HECW1: variants seen among roughly 807,000 people sequenced by gnomAD.
The protein encoded by HECW1 is HECT, C2 and WW domain containing E3 ubiquitin protein ligase 1.
HECW1 carries 61 observed loss-of-function variants against 182.3 expected under a neutral mutation model. That is an observed-to-expected ratio of 0.33 (90% CI 0.27 to 0.41). The LOEUF (loss-of-function observed/expected upper bound fraction) is 0.41. HECW1 is among the 10% of genes least tolerant of loss of function. The probability of loss-of-function intolerance (pLI) is 1.00; values close to 1 mark genes in which losing one functional copy is unlikely to be tolerated. For synonymous variants in HECW1, 859 were observed against 832.6 expected (o/e 1.03, Z -0.55); for missense variants, 1,739 against 2,108.9 (o/e 0.82, Z 3.44).
At chr7:43,143,649 G>A (rs567278568) in intron 2 of HECW1, among the ~76,000 whole-genome samples, 136 of 152,276 alleles carry the variant, frequency 8.9e-4, no homozygotes, top group African/African-American at 3.1e-3. Context: ...AATTGTAGGA[G>A]TCTAGCCCTG....
At chr7:43,162,273 G>A (rs1790626463) in intron 2 of HECW1, among the ~76,000 whole-genome samples, 1 of 152,232 alleles carries the variant, frequency 6.6e-6, no homozygotes, top group South Asian at 2.1e-4. Context: ...CAATAGAAAT[G>A]TATTCTCTCA....
chr7:43,312,163 T>C (rs1808610471), intron 4 of HECW1, 76 bp downstream of exon 4: 1 of 1,278,480 alleles, frequency 7.8e-7, no homozygotes. Context: ...AACTCTACAA[T>C]ATAATTAAAA....
chr7:43,329,489 G>T (rs959979383), intron 5 of HECW1, among the ~76,000 whole-genome samples: 1 of 151,946 alleles, frequency 6.6e-6, no homozygotes, highest in Non-Finnish European at 1.5e-5. Context: ...AAAAATGGAA[G>T]GGGCTGATTC....
chr7:43,356,603 A>G (rs1396497462), intron 5 of HECW1, among the ~76,000 whole-genome samples: 3 of 152,234 alleles, frequency 2.0e-5, no homozygotes, highest in Non-Finnish European at 4.4e-5. Flanking sequence ...TTTTTCTATC[A>G]ACACATGGAA....
chr7:43,538,721 T>C lies in HECW1; in HGVS notation c.4020-2442T>C, dbSNP rs529152174. On this transcript the variant is annotated intron_variant, in intron 24 of 29. Transcript: ENST00000395891. Reference sequence around the variant, plus strand: ...AATGGAGATGACCAAAACCATAAAATAGAATTGTTGCAAGGGTCAATGAGA... The same window carrying C: ...AATGGAGATGACCAAAACCATAAAACAGAATTGTTGCAAGGGTCAATGAGA... Among the ~76,000 whole-genome samples the C allele has an allele frequency of 1.3e-3, 199 of 152,292 alleles. 1 individual carries two copies. The highest frequency in any genetic ancestry group is 4.4e-3 in the African/African-American group (183 of 41,552).
chr7:43,357,346 G>A (rs1165366127), intron 5 of HECW1, among the ~76,000 whole-genome samples: 4 of 152,076 alleles, frequency 2.6e-5, no homozygotes, highest in Non-Finnish European at 5.9e-5. Context: ...ATAGATGAGT[G>A]GATAAAGAAA....
rs144290707 is a variant in HECW1 at position 43,434,277 on chromosome 7, G to A, written c.802-3726G>A. On this transcript the variant is annotated intron_variant, in intron 8 of 29. Coordinates refer to ENST00000395891, the MANE Select transcript of HECW1 (RefSeq NM_015052.5). ...AACTTAAGAAAGTTCAATAACCAGA[G>A]AGTCAAAAGGAGAAGGTGATAGTAA... 2.6e-4 allele frequency among the ~76,000 whole-genome samples: 39 copies of A among 152,364 alleles called. No homozygotes were observed. The East Asian group carries it at 7.1e-3, about 28-fold the overall frequency.
intron 6 of HECW1, among the ~76,000 whole-genome samples, chr7:43,392,584 C>A (rs772612941): frequency 2.6e-5 from 4 of 152,172 alleles, no homozygotes; most frequent in Non-Finnish European, 4.4e-5. Flanking sequence ...CACCCTTGCC[C>A]TTGGGCATAG....
chr7:43,185,499 T>C (rs1342359174), intron 2 of HECW1, among the ~76,000 whole-genome samples: 2 of 152,228 alleles, frequency 1.3e-5, no homozygotes, highest in African/African-American at 4.8e-5. Context: ...CTGTGAGATC[T>C]GATGCTATCT....
intron 12 of HECW1, 119 bp from the exon 13 acceptor site, chr7:43,456,178 G>T: frequency 9.9e-7 from 1 of 1,007,668 alleles, no homozygotes; most frequent in Non-Finnish European, 1.4e-6. Context: ...GCAGGGTCTG[G>T]CCTGCAGCCA....
intron 21 of HECW1, among the ~76,000 whole-genome samples, chr7:43,502,016 C>G (rs2079382684): frequency 6.6e-6 from 1 of 152,202 alleles, no homozygotes; most frequent in Non-Finnish European, 1.5e-5. Context: ...ACCACATGGT[C>G]TGCAAAGCCT....
At chr7:43,207,363 A>G (rs1418989789) in intron 2 of HECW1, among the ~76,000 whole-genome samples, 1 of 152,212 alleles carries the variant, frequency 6.6e-6, no homozygotes, top group East Asian at 1.9e-4. Context: ...CTATTTTTAA[A>G]TTGACAAATA....
chr7:43,531,825 T>C, intron 24 of HECW1, among the ~76,000 whole-genome samples: 1 of 152,200 alleles, frequency 6.6e-6, no homozygotes, highest in East Asian at 1.9e-4. Context: ...ACTTTATTGT[T>C]GCCTCTCATC....
At position 43,341,735 on chromosome 7, in the gene HECW1, A is replaced by C. The variant is rs939557035; in HGVS notation, c.461-19151A>C. ...GTTTTAGTTAATATAACCAGTCCGT[A>C]ATACAGCATTCTAAATCATGATGAC... On this transcript the variant is annotated intron_variant, in intron 5 of 29. Transcript: ENST00000395891. 1.3e-4 allele frequency among the ~76,000 whole-genome samples: 20 copies of C among 151,842 alleles called. 1 individual carries two copies.
At chr7:43,365,579 A>G (rs1471891061) in intron 6 of HECW1, among the ~76,000 whole-genome samples, 1 of 152,242 alleles carries the variant, frequency 6.6e-6, no homozygotes, top group Non-Finnish European at 1.5e-5. Flanking sequence ...TGGAAAACCC[A>G]TCAGGATTAT....
chr7:43,565,280 T>A lies in HECW1; in HGVS notation c.*3354T>A, dbSNP rs750147584. 137 of 206,726 alleles carry A rather than the reference T, an allele frequency of 6.6e-4. No homozygotes were observed. Among genetic ancestry groups the A allele is most frequent in the Non-Finnish European group, 1.1e-3 (108 of 101,188 alleles). 12.8% of individuals were successfully genotyped at this position (206,726 alleles called of 1,614,324 possible). A position where few individuals can be genotyped will look rare whatever the true frequency, so the allele number is the denominator to read the frequency against. On this transcript the variant is annotated 3_prime_UTR_variant, in exon 30 of 30. Transcript: ENST00000395891. Reference sequence around the variant, plus strand: ...GAAAAAATTAAGAAAAAGAGACATATGATTTGGGGGAGCAGGCGTTAAACA... The same window carrying A: ...GAAAAAATTAAGAAAAAGAGACATAAGATTTGGGGGAGCAGGCGTTAAACA...
At chr7:43,134,447 G>T (rs17722661) in intron 2 of HECW1, among the ~76,000 whole-genome samples, 5 of 147,828 alleles carry the variant, frequency 3.4e-5, no homozygotes, top group East Asian at 2.0e-4. Flanking sequence ...TGAATGGAAT[G>T]AACTTCCCAC....
intron 2 of HECW1, among the ~76,000 whole-genome samples, chr7:43,231,000 C>A (rs1562706645): frequency 1.3e-5 from 2 of 152,204 alleles, no homozygotes; most frequent in African/African-American, 4.8e-5. Flanking sequence ...ACACTGAATC[C>A]TCTGTCTGTT....
intron 3 of HECW1, among the ~76,000 whole-genome samples, chr7:43,276,624 G>C (rs1803195247): frequency 6.6e-6 from 1 of 152,008 alleles, no homozygotes; most frequent in Non-Finnish European, 1.5e-5. Flanking sequence ...TTATTTATTT[G>C]ATGATACTAT....
Sources: allele counts gnomAD v4.1 joint callset (sites outside exome capture counted in the v4.1 genomes callset), GRCh38; gene constraint gnomAD v4.1.1; transcripts MANE v1.5; gene names NCBI Gene and HGNC (gene_info 2026-07-23, HGNC 2026-07-21).